The following GAN variants were observed in gnomAD, a reference collection of about 807,000 sequenced individuals.
GAN encodes the protein gigaxonin.
Under a neutral mutation model 71.3 loss-of-function variants are expected in GAN, and 48 were observed. That is an observed-to-expected ratio of 0.67 (90% CI 0.53 to 0.86). The LOEUF (loss-of-function observed/expected upper bound fraction) is 0.86, where lower values mean the gene tolerates loss of function less well. Among genes scored for constraint, GAN ranks in the 40% least tolerant of loss-of-function variants. The pLI, the probability that GAN is intolerant of heterozygous loss-of-function variation, is 0.00. For synonymous variants in GAN, 386 were observed against 276.8 expected (o/e 1.39, Z -3.92); for missense variants, 928 against 770.1 (o/e 1.21, Z -2.43).
chr16:81,345,509 C>T (rs1360696286), intron 1 of GAN, among the ~76,000 whole-genome samples: 1 of 151,992 alleles, frequency 6.6e-6, no homozygotes, highest in Non-Finnish European at 1.5e-5. Context: ...GAAAACCAAA[C>T]AATGCATGTT....
chr16:81,376,867 C>T (rs530480927), intron 9 of GAN, among the ~76,000 whole-genome samples: 2 of 152,026 alleles, frequency 1.3e-5, no homozygotes, highest in Non-Finnish European at 2.9e-5. Flanking sequence ...TCTGAAAAAC[C>T]AACAAATTCT....
At chr16:81,320,888 G>T (rs994423602) in intron 1 of GAN, among the ~76,000 whole-genome samples, 1 of 151,860 alleles carries the variant, frequency 6.6e-6, no homozygotes, top group African/African-American at 2.4e-5. Context: ...ATAGTTTAAT[G>T]GTTCTCAGTG....
chr16:81,325,824 T>C (rs1025041301), intron 1 of GAN, among the ~76,000 whole-genome samples: 7 of 152,262 alleles, frequency 4.6e-5, no homozygotes. Flanking sequence ...TGAATTTGAA[T>C]TAACATTGCT....
At chr16:81,364,899 A>C in intron 7 of GAN, 75 bp from the exon 8 acceptor site, 2 of 1,410,246 alleles carry the variant, frequency 1.4e-6, no homozygotes, top group Non-Finnish European at 2.0e-6. Flanking sequence ...AGTATGGCCC[A>C]GACAGTTTAA....
At chr16:81,342,798 A>G (rs756070351) in intron 1 of GAN, among the ~76,000 whole-genome samples, 9 of 152,238 alleles carry the variant, frequency 5.9e-5, no homozygotes, top group Non-Finnish European at 8.8e-5. Flanking sequence ...GAACTGAAGG[A>G]GATGGAGACA....
intron 1 of GAN, among the ~76,000 whole-genome samples, chr16:81,329,836 A>G (rs2150671294): frequency 6.6e-6 from 1 of 152,234 alleles, no homozygotes; most frequent in African/African-American, 2.4e-5. Context: ...TACCCCAGAG[A>G]AGCTACTGCC....
In GAN at chr16:81,314,985, G is replaced by T; in HGVS notation, c.-129G>T. 1.3e-6 allele frequency: 1 copy of T among 750,534 alleles called. No homozygotes were observed. Among genetic ancestry groups the T allele is most frequent in the Non-Finnish European group, 1.9e-6 (1 of 524,922 alleles). The allele number at this position is 750,534 out of a possible 1,614,324, so 46.5% of individuals were successfully genotyped here. A position where few individuals can be genotyped will look rare whatever the true frequency, so the allele number is the denominator to read the frequency against. On this transcript the variant is annotated 5_prime_UTR_variant, in exon 1 of 11. Transcript: ENST00000648994. ...GCGGATAGCACAGGCACGTCCCGGG[G>T]GCTCCAGCTTCTGCTCAGAGCGCGG...
At chr16:81,352,240 C>T (rs554039992) in intron 2 of GAN, among the ~76,000 whole-genome samples, 4 of 152,296 alleles carry the variant, frequency 2.6e-5, no homozygotes, top group Non-Finnish European at 5.9e-5. Context: ...CACATCCCTG[C>T]CCCACCCTTA....
At chr16:81,330,364 C>T (rs1208620420) in intron 1 of GAN, among the ~76,000 whole-genome samples, 1 of 152,208 alleles carries the variant, frequency 6.6e-6, no homozygotes, top group African/African-American at 2.4e-5. Context: ...CTGAGGAGCT[C>T]AGAAGACAGG....
intron 1 of GAN, among the ~76,000 whole-genome samples, chr16:81,338,482 A>T (rs956958714): frequency 2.7e-4 from 41 of 152,188 alleles, no homozygotes; most frequent in African/African-American, 8.4e-4. Context: ...CTTCTCAGTT[A>T]TATGTGGCAG....
rs1904306612 is a variant in GAN, at chr16:81,381,812, C to G, written c.*4216C>G. On this transcript the variant is annotated 3_prime_UTR_variant, in exon 11 of 11. Coordinates refer to ENST00000648994, the MANE Select transcript of GAN (RefSeq NM_022041.4). ...GTTGAAAAGGGCACTCCAAGAGTGA[C>G]TGATTTTACTGGGTTTTCAGTGAGA... 1 of 152,178 alleles carries G rather than the reference C, an allele frequency of 6.6e-6. No individual in the cohort carries two copies. The highest frequency in any genetic ancestry group is 1.5e-5 in the Non-Finnish European group (1 of 68,034). The allele number at this position is 152,178 out of a possible 1,614,324, so 9.4% of individuals were successfully genotyped here. A position where few individuals can be genotyped will look rare whatever the true frequency, so the allele number is the denominator to read the frequency against.
At position 81,383,865 on chromosome 16, in the gene GAN, C is replaced by T. The variant is rs868597466; in HGVS notation, c.*6269C>T. ...CATTTCAAATCATTCACATCCCAAA[C>T]GGAGGTTCATCTGTCTTCTGGTTGG... On this transcript the variant is annotated 3_prime_UTR_variant, in exon 11 of 11. Coordinates refer to ENST00000648994, the MANE Select transcript of GAN (RefSeq NM_022041.4). 9 of 152,084 alleles carry T rather than the reference C, an allele frequency of 5.9e-5. No homozygotes were observed. The highest frequency in any genetic ancestry group is 1.7e-4 in the African/African-American group (7 of 41,404). The allele number at this position is 152,084 out of a possible 1,614,324, so 9.4% of individuals were successfully genotyped here.
Position 81,326,388 on chromosome 16 carries a change from C to G in GAN, c.167+11108C>G, listed in dbSNP as rs537618080. ...CAAAAAAAAAAAAAAAAAAAATTAG[C>G]CAGATGTGGTGGCACATGCCTGTAA... On this transcript the variant is annotated intron_variant, in intron 1 of 10. Transcript: ENST00000648994. Among the ~76,000 whole-genome samples, 8 of 148,676 alleles carry G rather than the reference C, an allele frequency of 5.4e-5. No individual in the cohort carries two copies. The East Asian group carries it at 5.9e-4, about 11-fold the overall frequency.
At chr16:81,362,463 C>A in intron 5 of GAN, 36 bp from the exon 6 acceptor site, 1 of 1,093,756 alleles carries the variant, frequency 9.1e-7, no homozygotes, top group Non-Finnish European at 1.4e-6. Flanking sequence ...GTTGAAGACT[C>A]ACATTTCATA....
At chr16:81,376,688 G>GTA (rs199844605) in intron 9 of GAN, among the ~76,000 whole-genome samples, 8,108 of 150,806 alleles carry the variant, frequency 0.054, 405 homozygotes, top group African/African-American at 0.14. Flanking sequence ...GTGTATATGT[G>GTA]TATATATATG....
chr16:81,328,768 G>C (rs1285895539), intron 1 of GAN, among the ~76,000 whole-genome samples: 1 of 151,620 alleles, frequency 6.6e-6, no homozygotes, highest in Non-Finnish European at 1.5e-5. Context: ...GGATTTTAAA[G>C]TGTTGTGTGT....
chr16:81,316,355 A>G (rs1909040247), intron 1 of GAN, among the ~76,000 whole-genome samples: 2 of 15,522 alleles, frequency 1.3e-4, no homozygotes, highest in South Asian at 3.4e-3. Context: ...CGCACGCTAC[A>G]CTTTTAACCT....
At chr16:81,367,420 T>C (rs777891415) in intron 9 of GAN, among the ~76,000 whole-genome samples, 5 of 151,936 alleles carry the variant, frequency 3.3e-5, no homozygotes, top group Non-Finnish European at 5.9e-5. Context: ...TCCTGGCTGC[T>C]CAGAAGGCTG....
At chr16:81,316,892 T>C (rs1909061278) in intron 1 of GAN, among the ~76,000 whole-genome samples, 1 of 152,196 alleles carries the variant, frequency 6.6e-6, no homozygotes, top group Admixed American at 6.5e-5. Context: ...TGAGTTTCAC[T>C]CTTTAGCCCA....
Sources: allele counts gnomAD v4.1 joint callset (sites outside exome capture counted in the v4.1 genomes callset), GRCh38; gene constraint gnomAD v4.1.1; transcripts MANE v1.5; gene names NCBI Gene and HGNC (gene_info 2026-07-23, HGNC 2026-07-21).